The following SBNO2 variants were observed in gnomAD, a reference collection of about 807,000 sequenced individuals.
SBNO2 encodes the protein protein strawberry notch homolog 2.
Under a neutral mutation model 146.3 loss-of-function variants are expected in SBNO2, and 89 were observed. The observed-to-expected ratio is 0.61, with a 90% confidence interval of 0.51 to 0.73. The LOEUF is 0.73. Among genes scored for constraint, SBNO2 ranks in the 30% least tolerant of loss-of-function variants. The probability of loss-of-function intolerance (pLI) is 0.00; values close to 1 mark genes in which losing one functional copy is unlikely to be tolerated. For missense variants in SBNO2, 2,092 were observed against 2,003.7 expected (o/e 1.04, Z -0.84); for synonymous variants, 1,147 against 892.6 (o/e 1.29, Z -5.08).
chr19:1,166,936 G>A (rs958299577), intron 1 of SBNO2, among the ~76,000 whole-genome samples: 7 of 152,192 alleles, frequency 4.6e-5, no homozygotes, highest in Admixed American at 3.3e-4. Flanking sequence ...GCCAGCAGCC[G>A]GGCTATGCTG....
chr19:1,143,502 G>GA (rs1228698662), intron 4 of SBNO2, among the ~76,000 whole-genome samples: 1 of 152,120 alleles, frequency 6.6e-6, no homozygotes, highest in Non-Finnish European at 1.5e-5. Flanking sequence ...ATATATAAAT[G>GA]AAACACACAC....
rs567239853 is a variant in SBNO2, at chr19:1,140,215, G to T, written c.279+7094C>A. Among the ~76,000 whole-genome samples the T allele has an allele frequency of 6.6e-6, 1 of 151,768 alleles. No individual in the cohort carries two copies. Among genetic ancestry groups the T allele is most frequent in the Non-Finnish European group, 1.5e-5 (1 of 67,892 alleles). On this transcript the variant is annotated intron_variant, in intron 4 of 31. Coordinates refer to ENST00000361757, the MANE Select transcript of SBNO2 (RefSeq NM_014963.3). This position sits in a 1 kb window ranked among gnomAD's most constrained non-coding sequence, Gnocchi z 4.4. Reference sequence around the variant, plus strand: ...CTCGGGAGGCTGAGGCGGGAGAATGGCATGAACCCAGGAGGCGTTGGTTGC... The same window carrying T: ...CTCGGGAGGCTGAGGCGGGAGAATGTCATGAACCCAGGAGGCGTTGGTTGC...
chr19:1,171,856 G>A (rs2080481326), intron 1 of SBNO2, among the ~76,000 whole-genome samples: 1 of 152,194 alleles, frequency 6.6e-6, no homozygotes, highest in African/African-American at 2.4e-5. Context: ...TCACGCGGCT[G>A]GAGAACATGC....
intron 1 of SBNO2, among the ~76,000 whole-genome samples, chr19:1,156,112 G>A (rs2080287731): frequency 6.6e-6 from 1 of 152,078 alleles, no homozygotes. Context: ...CACCATAGCT[G>A]AGGGACCCCT....
intron 1 of SBNO2, among the ~76,000 whole-genome samples, chr19:1,154,779 G>A (rs1568627373): frequency 6.6e-6 from 1 of 152,316 alleles, no homozygotes; most frequent in East Asian, 1.9e-4. Flanking sequence ...AGACTGTGGA[G>A]GGAGAGTCCA....
At chr19:1,138,954 C>T (rs879933859) in intron 4 of SBNO2, among the ~76,000 whole-genome samples, 1 of 151,804 alleles carries the variant, frequency 6.6e-6, no homozygotes, top group Non-Finnish European at 1.5e-5. Flanking sequence ...AGGTCCATCA[C>T]GGACACATGG....
chr19:1,140,876 C>G lies in SBNO2; in HGVS notation c.279+6433G>C, dbSNP rs954665000. On this transcript the variant is annotated intron_variant, in intron 4 of 31. Transcript: ENST00000361757. This position sits in a 1 kb window ranked among gnomAD's most constrained non-coding sequence, Gnocchi z 4.4. ...GCGGCCAAAGTTACCAGCATCAGCACAACACGCGCAACGCCAGGCACTCCG... is the reference window on the plus strand; with the variant it reads ...GCGGCCAAAGTTACCAGCATCAGCAGAACACGCGCAACGCCAGGCACTCCG... 3.3e-5 allele frequency among the ~76,000 whole-genome samples: 5 copies of G among 152,166 alleles called. No homozygotes were observed. Among genetic ancestry groups the G allele is most frequent in the Non-Finnish European group, 5.9e-5 (4 of 68,014 alleles).
Position 1,144,421 on chromosome 19 carries a change from C to T in SBNO2, c.279+2888G>A, listed in dbSNP as rs769855197. Among the ~76,000 whole-genome samples, 11 of 152,160 alleles carry T rather than the reference C, an allele frequency of 7.2e-5. No individual in the cohort carries two copies. Among genetic ancestry groups the T allele is most frequent in the Non-Finnish European group, 1.3e-4 (9 of 68,022 alleles). On this transcript the variant is annotated intron_variant, in intron 4 of 31. Coordinates refer to ENST00000361757, the MANE Select transcript of SBNO2 (RefSeq NM_014963.3). This position sits in a 1 kb window ranked among gnomAD's most constrained non-coding sequence, Gnocchi z 4.1. ...CAGGGTGGGCAGGGAGCCGGGCGGG[C>T]GGTGCTCACAGAACCAGCACAGTGG...
At chr19:1,113,442 G>A (rs2079791888) in intron 19 of SBNO2, 93 bp downstream of exon 19, 6 of 1,138,080 alleles carry the variant, frequency 5.3e-6, no homozygotes, top group Non-Finnish European at 7.3e-6. Context: ...AGAGTGACCA[G>A]CAGGGGCCAC....
At chr19:1,145,294 C>G (rs1440045119) in intron 4 of SBNO2, among the ~76,000 whole-genome samples, 1 of 144,210 alleles carries the variant, frequency 6.9e-6, no homozygotes, top group African/African-American at 2.7e-5. Context: ...TGGAGAAACC[C>G]TGTCTCTACC....
At chr19:1,147,258 C>A (rs1339519966) in intron 4 of SBNO2, 51 bp downstream of exon 4, 16 of 1,274,142 alleles carry the variant, frequency 1.3e-5, no homozygotes, top group Non-Finnish European at 1.7e-5. Flanking sequence ...GGAGGGGCGG[C>A]CCAGACTCCA....
intron 4 of SBNO2, among the ~76,000 whole-genome samples, chr19:1,138,449 A>G (rs2145272716): frequency 6.6e-6 from 1 of 152,044 alleles, no homozygotes; most frequent in Admixed American, 6.5e-5. Context: ...GAACACACAG[A>G]CATGGACCTG....
chr19:1,134,803 T>A (rs2080070601), intron 4 of SBNO2, among the ~76,000 whole-genome samples: 1 of 152,074 alleles, frequency 6.6e-6, no homozygotes, highest in South Asian at 2.1e-4. Context: ...ATCCCAGCAC[T>A]TTGGGAGGCC....
At chr19:1,132,960 G>A (rs113171027) in intron 4 of SBNO2, among the ~76,000 whole-genome samples, 226 of 152,348 alleles carry the variant, frequency 1.5e-3, no homozygotes, top group Middle Eastern at 3.4e-3. Context: ...ACTTGCTGGG[G>A]CAACCCCGGG....
chr19:1,158,166 T>A lies in SBNO2; in HGVS notation c.-126-3764A>T, dbSNP rs532956894. On this transcript the variant is annotated intron_variant, in intron 1 of 31. Transcript: ENST00000361757. The surrounding 1 kb of genome is among the most constrained non-coding windows in gnomAD (Gnocchi z 9.9). ...GCTGTGCAGCAACAGCTCAGCCTCC[T>A]GATGTTCAGAACTGGCCACTGTGCG... 4.6e-5 allele frequency among the ~76,000 whole-genome samples: 7 copies of A among 152,260 alleles called. No homozygotes were observed. In the South Asian group the frequency reaches 6.2e-4, roughly 14 times the overall value.
intron 1 of SBNO2, among the ~76,000 whole-genome samples, chr19:1,167,204 TGGA>T (rs2080434343): frequency 6.6e-6 from 1 of 152,266 alleles, no homozygotes; most frequent in Admixed American, 6.5e-5. Flanking sequence ...GCTCCACGCC[TGGA>T]GGAGGGAACT....
rs762939954 is a variant in SBNO2 at position 1,112,356 on chromosome 19, T to TGTTGGGGGCGGGGCCAGGCAGC, written c.2515+24_2515+45dup. ...CCAGGCGGGGGCGGGGCCGAGACCA[T>TGTTGGGGGCGGGGCCAGGCAGC]GTTGGGGGCGGGGCCAGGCAGCGCT... On this transcript the variant is annotated intron_variant, in intron 21 of 31. Coordinates refer to ENST00000361757, the MANE Select transcript of SBNO2 (RefSeq NM_014963.3). This position sits in a 1 kb window ranked among gnomAD's most constrained non-coding sequence, Gnocchi z 5.9. 1.2e-5 allele frequency: 19 copies of TGTTGGGGGCGGGGCCAGGCAGC among 1,567,996 alleles called. No homozygotes were observed. The highest frequency in any genetic ancestry group is 1.6e-5 in the Non-Finnish European group (19 of 1,159,444).
Position 1,112,733 on chromosome 19 carries a change from C to T in SBNO2, c.2379+85G>A, listed in dbSNP as rs1279722805. ...GGCACACACACACTCCAGAAGTGCGCGGGTCCACAGTCCCCGGGGACCCTT... is the reference window on the plus strand; with the variant it reads ...GGCACACACACACTCCAGAAGTGCGTGGGTCCACAGTCCCCGGGGACCCTT... On this transcript the variant is annotated intron_variant, in intron 20 of 31. Coordinates refer to ENST00000361757, the MANE Select transcript of SBNO2 (RefSeq NM_014963.3). The surrounding 1 kb of genome is among the most constrained non-coding windows in gnomAD (Gnocchi z 5.9). 14 of 1,474,778 alleles carry T rather than the reference C, an allele frequency of 9.5e-6. No individual in the cohort carries two copies. The East Asian group carries it at 2.0e-4, about 21-fold the overall frequency. 91.4% of individuals were successfully genotyped at this position (1,474,778 alleles called of 1,614,324 possible). A position where few individuals can be genotyped will look rare whatever the true frequency, so the allele number is the denominator to read the frequency against.
rs1381915664 is a variant in SBNO2, at chr19:1,109,270, G to C, written c.3348+22C>G. 1.3e-6 allele frequency: 2 copies of C among 1,583,974 alleles called. No individual in the cohort carries two copies. Among genetic ancestry groups the C allele is most frequent in the Non-Finnish European group, 8.6e-7 (1 of 1,165,862 alleles). ...GTCAGGGCCGGCAACCCGAGCGAAA[G>C]CTGCGCCCGGCGGCCGCCTACCCGG... On this transcript the variant is annotated intron_variant, in intron 29 of 31. Coordinates refer to ENST00000361757, the MANE Select transcript of SBNO2 (RefSeq NM_014963.3). This position sits in a 1 kb window ranked among gnomAD's most constrained non-coding sequence, Gnocchi z 4.2.
Sources: allele counts gnomAD v4.1 joint callset (sites outside exome capture counted in the v4.1 genomes callset), GRCh38; gene constraint gnomAD v4.1.1; non-coding constraint Gnocchi (gnomAD v3.1); transcripts MANE v1.5; gene names NCBI Gene and HGNC (gene_info 2026-07-23, HGNC 2026-07-21).